COL19A1: variants seen among roughly 807,000 people sequenced by gnomAD.
The protein encoded by COL19A1 is collagen type XIX alpha 1 chain.
COL19A1 carries 159 observed loss-of-function variants against 190.2 expected under a neutral mutation model. The observed-to-expected ratio is 0.84, with a 90% CI of 0.73 to 0.95. The LOEUF (loss-of-function observed/expected upper bound fraction) is 0.95. COL19A1 is among the 40% of genes least tolerant of loss of function. The probability of loss-of-function intolerance (pLI) is 0.00; values close to 1 mark genes in which losing one functional copy is unlikely to be tolerated. For synonymous variants in COL19A1, 509 were observed against 458.9 expected (o/e 1.11, Z -1.39); for missense variants, 1,418 against 1,431.9 (o/e 0.99, Z 0.16).
At chr6:69,992,483 GAA>G (rs1009386342) in intron 11 of COL19A1, among the ~76,000 whole-genome samples, 1 of 150,506 alleles carries the variant, frequency 6.6e-6, no homozygotes, top group African/African-American at 2.4e-5. Context: ...TTTAAAAAAA[GAA>G]AAAAAAATGT....
intron 17 of COL19A1, among the ~76,000 whole-genome samples, chr6:70,124,976 G>A (rs1231575803): frequency 6.6e-6 from 1 of 151,954 alleles, no homozygotes; most frequent in African/African-American, 2.4e-5. Flanking sequence ...CTTCTGTATT[G>A]TAACCACCTC....
chr6:70,206,634 CA>C (rs34634051), intron 49 of COL19A1, among the ~76,000 whole-genome samples: 5,036 of 101,798 alleles, frequency 0.049, 78 homozygotes, highest in East Asian at 0.12. Flanking sequence ...GACTCTGTCT[CA>C]AAAAAAAAAA....
intron 11 of COL19A1, among the ~76,000 whole-genome samples, chr6:69,987,797 G>A (rs1367452486): frequency 6.6e-6 from 1 of 152,186 alleles, no homozygotes; most frequent in South Asian, 2.1e-4. Context: ...CCTGGAGAGA[G>A]CCCCTAATGG....
intron 4 of COL19A1, among the ~76,000 whole-genome samples, chr6:69,921,799 T>C (rs1488803473): frequency 6.7e-6 from 1 of 148,774 alleles, no homozygotes; most frequent in Non-Finnish European, 1.5e-5. Context: ...GATTCGTATA[T>C]GTATATTCGT....
chr6:69,919,818 C>G (rs886735381), intron 4 of COL19A1, among the ~76,000 whole-genome samples: 1 of 151,980 alleles, frequency 6.6e-6, no homozygotes, highest in African/African-American at 2.4e-5. Context: ...TTTGCTTTTT[C>G]TCCTAATGCT....
In COL19A1 at chr6:70,172,018, G is replaced by A. The variant is rs1169673935; in HGVS notation, c.2622+1G>A. Reference sequence around the variant, plus strand: ...ATTAGAAGGATTTCCAGGTGTAAAGGTAAGCACAGAAGTTAGAAATGTGTT... The same window carrying A: ...ATTAGAAGGATTTCCAGGTGTAAAGATAAGCACAGAAGTTAGAAATGTGTT... On this transcript the variant is annotated splice_donor_variant, in intron 41 of 50. Transcript: ENST00000620364. LOFTEE classifies it high-confidence loss of function. 2 of 1,610,258 alleles carry A rather than the reference G, an allele frequency of 1.2e-6. No homozygotes were observed. The highest frequency in any genetic ancestry group is 1.7e-6 in the Non-Finnish European group (2 of 1,178,864).
rs183303288 is a variant in COL19A1 at position 69,958,819 on chromosome 6, T to C, written c.937-1177T>C. 2.4e-3 allele frequency among the ~76,000 whole-genome samples: 365 copies of C among 152,320 alleles called. 2 individuals are homozygous for C. The highest frequency in any genetic ancestry group is 8.4e-3 in the African/African-American group (351 of 41,578). On this transcript the variant is annotated intron_variant, in intron 9 of 50. Coordinates refer to ENST00000620364, the MANE Select transcript of COL19A1 (RefSeq NM_001858.6). Reference sequence around the variant, plus strand: ...TTAATTAATGAAATAATGAAAAATTTCCTTAGATTTAGACAGAATATTGCT... The same window carrying C: ...TTAATTAATGAAATAATGAAAAATTCCCTTAGATTTAGACAGAATATTGCT...
chr6:70,060,597 A>G (rs557498258), intron 14 of COL19A1, among the ~76,000 whole-genome samples: 178 of 152,176 alleles, frequency 1.2e-3, no homozygotes, highest in South Asian at 2.3e-3. Context: ...AACTGTGCAC[A>G]TGAGGGATCT....
intron 33 of COL19A1, 29 bp from the exon 34 acceptor site, chr6:70,156,641 T>C (rs1375059005): frequency 2.5e-6 from 4 of 1,607,368 alleles, no homozygotes; most frequent in Non-Finnish European, 3.4e-6. Context: ...AATGATTGCA[T>C]GTGCTAGCTG....
chr6:70,186,528 GTTAATTT>G (rs2150292695), intron 46 of COL19A1, among the ~76,000 whole-genome samples: 1 of 152,136 alleles, frequency 6.6e-6, no homozygotes, highest in East Asian at 1.9e-4. Context: ...ATTTATTTCT[GTTAATTT>G]TTAAGTCAAG....
intron 1 of COL19A1, among the ~76,000 whole-genome samples, chr6:69,878,202 T>TA (rs1380288887): frequency 1.0e-4 from 15 of 150,560 alleles, no homozygotes; most frequent in African/African-American, 2.4e-4. Context: ...TATATATATA[T>TA]TTATTTCTTT....
At chr6:69,922,683 G>A (rs989340035) in intron 4 of COL19A1, among the ~76,000 whole-genome samples, 11 of 151,958 alleles carry the variant, frequency 7.2e-5, no homozygotes, top group African/African-American at 2.7e-4. Flanking sequence ...GTTTCACTAT[G>A]TTGGCCAGGC....
chr6:69,987,479 A>G (rs1776374085), intron 11 of COL19A1, among the ~76,000 whole-genome samples: 1 of 152,236 alleles, frequency 6.6e-6, no homozygotes, highest in South Asian at 2.1e-4. Flanking sequence ...TAGCTGAAAT[A>G]AATTTGAAAC....
At chr6:69,977,947 A>G (rs1775813659) in intron 11 of COL19A1, among the ~76,000 whole-genome samples, 1 of 152,184 alleles carries the variant, frequency 6.6e-6, no homozygotes, top group Non-Finnish European at 1.5e-5. Flanking sequence ...ATATTGAAAA[A>G]AAAAATTTTA....
intron 2 of COL19A1, chr6:69,890,346 C>T (rs1015365435): frequency 1.1e-4 from 16 of 152,344 alleles, no homozygotes; most frequent in Admixed American, 3.9e-4. Context: ...TACAGATTAA[C>T]TTACGCCTTG....
chr6:70,034,166 A>G, intron 12 of COL19A1, 79 bp from the exon 13 acceptor site: 1 of 980,962 alleles, frequency 1.0e-6, no homozygotes, highest in Non-Finnish European at 1.6e-6. Flanking sequence ...TCAGTAAATT[A>G]TGATTTATTT....
chr6:69,871,175 AT>A (rs1767799355), intron 1 of COL19A1, among the ~76,000 whole-genome samples: 1 of 152,178 alleles, frequency 6.6e-6, no homozygotes, highest in African/African-American at 2.4e-5. Context: ...ATTGGCTTGA[AT>A]TTTTTACTCT....
At chr6:70,034,108 G>A (rs942421298) in intron 12 of COL19A1, 137 bp from the exon 13 acceptor site, 89 of 650,650 alleles carry the variant, frequency 1.4e-4, no homozygotes, top group Middle Eastern at 5.9e-4. Context: ...AGTGCCAGTT[G>A]TCTCTATTTC....
At chr6:70,148,096 G>A (rs1583026201) in intron 27 of COL19A1, among the ~76,000 whole-genome samples, 1 of 152,064 alleles carries the variant, frequency 6.6e-6, no homozygotes, top group Admixed American at 6.6e-5. Flanking sequence ...CGCCAGCCTG[G>A]AAGCTCTCTA....
Sources: gnomAD v4.1 joint callset for allele counts (sites outside exome capture counted in the v4.1 genomes callset) on GRCh38, gnomAD v4.1.1 for gene constraint, MANE v1.5 for transcripts, NCBI Gene and HGNC (gene_info 2026-07-23, HGNC 2026-07-21) for gene names.